The following TMEFF1 variants were observed in gnomAD, a reference collection of about 807,000 sequenced individuals.
The protein encoded by TMEFF1 is tomoregulin-1.
A neutral mutation model predicts 47.5 loss-of-function variants in TMEFF1; 20 were observed. The ratio of observed to expected loss-of-function variants is 0.42; its 90% CI spans 0.30 to 0.61. TMEFF1 has a LOEUF of 0.61. Ranked by LOEUF, TMEFF1 falls within the 20% of genes least tolerant of loss-of-function variation. The pLI is 0.19. For missense variants in TMEFF1, 411 were observed against 471.1 expected, an observed-to-expected ratio of 0.87 and a Z score of 1.18; for synonymous variants, 162 against 166.3, an observed-to-expected ratio of 0.97 and a Z score of 0.20.
At position 100,528,344 on chromosome 9, in the gene TMEFF1, A is replaced by C. The variant is rs1424827602; in HGVS notation, c.560+11573A>C. Among the ~76,000 whole-genome samples the C allele has an allele frequency of 2.0e-4, 30 of 148,988 alleles. 1 individual carries two copies. In the South Asian group the frequency reaches 6.4e-3, roughly 32 times the overall value. On this transcript the variant is annotated intron_variant, in intron 5 of 9. Coordinates refer to ENST00000374879, the MANE Select transcript of TMEFF1 (RefSeq NM_003692.5). ...AGGCAAACAAGTTGAAAACTTTGAA[A>C]AAAATTTAGAAGAATGTATAACTAG... is the stretch of plus-strand genomic sequence containing the variant.
chr9:100,561,359 GTTTCA>G (rs780566639), intron 7 of TMEFF1, 33 bp from the exon 8 acceptor site: 22 of 1,589,364 alleles, frequency 1.4e-5, no homozygotes, highest in Non-Finnish European at 1.7e-5. Flanking sequence ...TTCAGCTTGC[GTTTCA>G]TTGTTGAACG....
rs546725747 is a variant in TMEFF1 at position 100,531,720 on chromosome 9, A to G, written c.560+14949A>G. 3.6e-3 allele frequency among the ~76,000 whole-genome samples: 547 copies of G among 152,290 alleles called. 1 individual carries two copies. The highest frequency in any genetic ancestry group is 0.012 in the African/African-American group (514 of 41,548). ...TCAAGCTACCAATGCCTTTCTTCAC[A>G]GAATTGGAAAAAACTACTTTAAAAT... On this transcript the variant is annotated intron_variant, in intron 5 of 9. Coordinates refer to ENST00000374879, the MANE Select transcript of TMEFF1 (RefSeq NM_003692.5).
At chr9:100,503,184 C>T (rs1383929802) in intron 2 of TMEFF1, among the ~76,000 whole-genome samples, 1 of 151,826 alleles carries the variant, frequency 6.6e-6, no homozygotes, top group Non-Finnish European at 1.5e-5. Flanking sequence ...TAAATAGAAG[C>T]TTTCTGGGAC....
intron 8 of TMEFF1, among the ~76,000 whole-genome samples, chr9:100,565,758 A>G (rs933052113): frequency 6.6e-6 from 1 of 152,198 alleles, no homozygotes; most frequent in African/African-American, 2.4e-5. Flanking sequence ...TCTCTGTATC[A>G]TAGAACTTGA....
At chr9:100,530,378 A>G (rs909762168) in intron 5 of TMEFF1, among the ~76,000 whole-genome samples, 1 of 152,084 alleles carries the variant, frequency 6.6e-6, no homozygotes, top group African/African-American at 2.4e-5. Context: ...AATCAAATAG[A>G]CGCAATAAAA....
intron 2 of TMEFF1, among the ~76,000 whole-genome samples, chr9:100,505,007 A>G (rs908905806): frequency 1.3e-5 from 2 of 152,238 alleles, no homozygotes; most frequent in Non-Finnish European, 2.9e-5. Flanking sequence ...AAATAAAAGT[A>G]ATTTATAATA....
intron 2 of TMEFF1, 29 bp downstream of exon 2, chr9:100,498,903 T>A (rs760353662): frequency 1.3e-6 from 2 of 1,595,158 alleles, no homozygotes; most frequent in African/African-American, 2.7e-5. Context: ...TTTTGAAAAG[T>A]TTTATATTCT....
intron 5 of TMEFF1, among the ~76,000 whole-genome samples, chr9:100,544,195 T>C (rs563127209): frequency 2.6e-5 from 4 of 152,148 alleles, no homozygotes; most frequent in African/African-American, 9.6e-5. Context: ...TGGATCAGTG[T>C]TATTTGTCTC....
intron 5 of TMEFF1, among the ~76,000 whole-genome samples, chr9:100,530,765 C>T (rs189309619): frequency 0.021 from 3,130 of 152,086 alleles, 106 homozygotes; most frequent in African/African-American, 0.069. Context: ...ATACCAAAGC[C>T]GGGCAGAGAC....
intron 9 of TMEFF1, 137 bp downstream of exon 9, chr9:100,572,813 CCTT>C (rs796128347): frequency 1.8e-5 from 20 of 1,116,964 alleles, no homozygotes; most frequent in African/African-American, 8.0e-5. Context: ...CTCTCCCTAT[CCTT>C]CTTCTTTAGG....
intron 7 of TMEFF1, among the ~76,000 whole-genome samples, chr9:100,556,901 A>G (rs1838925737): frequency 6.6e-6 from 1 of 151,896 alleles, no homozygotes; most frequent in South Asian, 2.1e-4. Context: ...GCTGGAGTGC[A>G]GTGGTGCGAT....
chr9:100,514,705 A>C (rs890227308), intron 4 of TMEFF1, among the ~76,000 whole-genome samples: 3 of 151,436 alleles, frequency 2.0e-5, no homozygotes, highest in Admixed American at 6.6e-5. Flanking sequence ...AAAAAAAAAA[A>C]AACAAAAGGC....
chr9:100,490,147 G>A (rs1486438818), intron 1 of TMEFF1, among the ~76,000 whole-genome samples: 1 of 152,178 alleles, frequency 6.6e-6, no homozygotes, highest in Non-Finnish European at 1.5e-5. Context: ...AGACGATTGT[G>A]TGGCATATGT....
At chr9:100,475,715 CTGTGTGTGTGTG>C (rs3055671) in intron 1 of TMEFF1, among the ~76,000 whole-genome samples, 7,907 of 140,902 alleles carry the variant, frequency 0.056, 403 homozygotes, top group South Asian at 0.23. Context: ...TGCAGAGCGA[CTGTGTGTGTGTG>C]TGTGTGTGTG....
intron 5 of TMEFF1, among the ~76,000 whole-genome samples, chr9:100,540,613 C>T (rs1303713493): frequency 6.6e-6 from 1 of 152,210 alleles, no homozygotes; most frequent in African/African-American, 2.4e-5. Context: ...CAAGCAGGGC[C>T]AGAGCGGATG....
At chr9:100,474,308 C>G (rs1375060131) in intron 1 of TMEFF1, among the ~76,000 whole-genome samples, 1 of 151,036 alleles carries the variant, frequency 6.6e-6, no homozygotes, top group African/African-American at 2.4e-5. Context: ...CGCGGTTTGG[C>G]GATGCAGAGT....
intron 1 of TMEFF1, among the ~76,000 whole-genome samples, chr9:100,497,318 G>GTATTTTT (rs1328828062): frequency 1.2e-5 from 1 of 84,880 alleles, no homozygotes; most frequent in South Asian, 4.9e-4. Flanking sequence ...TTCCACTCAT[G>GTATTTTT]TCTTTTTTTT....
chr9:100,477,941 T>C (rs1011759694), intron 1 of TMEFF1, among the ~76,000 whole-genome samples: 13 of 152,330 alleles, frequency 8.5e-5, no homozygotes, highest in African/African-American at 2.9e-4. Context: ...TTTCTCCTTT[T>C]TTGAAATTTG....
At chr9:100,566,373 C>T (rs1193638405) in intron 8 of TMEFF1, among the ~76,000 whole-genome samples, 1 of 152,208 alleles carries the variant, frequency 6.6e-6, no homozygotes, top group African/African-American at 2.4e-5. Flanking sequence ...ACACCTCAAT[C>T]TCAACAGGAC....
Sources: gnomAD v4.1 joint callset for allele counts (sites outside exome capture counted in the v4.1 genomes callset) on GRCh38, gnomAD v4.1.1 for gene constraint, MANE v1.5 for transcripts, NCBI Gene and HGNC (gene_info 2026-07-23, HGNC 2026-07-21) for gene names.